The following TF variants were observed in gnomAD, a reference collection of about 807,000 sequenced individuals.
The protein encoded by TF is serotransferrin.
TF carries 55 observed loss-of-function variants against 82.4 expected under a neutral mutation model. The ratio of observed to expected loss-of-function variants is 0.67; its 90% CI spans 0.54 to 0.84. The LOEUF (loss-of-function observed/expected upper bound fraction) is 0.84, where lower values mean the gene tolerates loss of function less well. TF is among the 40% of genes least tolerant of loss of function. The pLI is 0.00. For synonymous variants in TF, 332 were observed against 332.6 expected, an observed-to-expected ratio of 1.00 and a Z score of 0.02; for missense variants, 737 against 868.4, an observed-to-expected ratio of 0.85 and a Z score of 1.90.
chr3:133,677,473 C>T, the TF span, among the ~76,000 whole-genome samples: 2 of 152,092 alleles, frequency 1.3e-5, no homozygotes, highest in Non-Finnish European at 2.9e-5. Flanking sequence ...CGTGTCTCTA[C>T]TAAAAATACA....
chr3:133,667,530 G>C, the TF span, among the ~76,000 whole-genome samples: 1 of 152,076 alleles, frequency 6.6e-6, no homozygotes. Context: ...TGTCACCCAA[G>C]CTAGGTAGGC....
At position 133,777,211 on chromosome 3, in the gene TF, G is replaced by A. The variant is rs1934418022; in HGVS notation, c.2035G>A (p.Gly679Ser). ...YLGEEYVKAV[G>S]NLRKCSTSSL... ...AGGAGAAGAATATGTCAAGGCTGTT[G>A]GTAACCTGAGAAAATGCTCCACCTC... is the stretch of plus-strand genomic sequence containing the variant. Residue 679 changes from glycine to serine, a missense_variant, in exon 16 of 17, where the codon GGT becomes AGT. Gly to Ser is a moderately conservative substitution (Grantham distance 56). Coordinates refer to ENST00000402696, the MANE Select transcript of TF (RefSeq NM_001063.4). 1 of 1,613,306 alleles carries A rather than the reference G, an allele frequency of 6.2e-7. No homozygotes were observed. The highest frequency in any genetic ancestry group is 1.3e-5 in the African/African-American group (1 of 74,906).
At chr3:133,725,543 A>G in the TF span, among the ~76,000 whole-genome samples, 541 of 152,298 alleles carry the variant, frequency 3.6e-3, 2 homozygotes, top group African/African-American at 0.012. Flanking sequence ...TTATCAGCTT[A>G]AGGAGATTTT....
the TF span, among the ~76,000 whole-genome samples, chr3:133,703,197 T>C: frequency 2.0e-5 from 3 of 152,212 alleles, no homozygotes; most frequent in African/African-American, 7.2e-5. Flanking sequence ...TCTTTAATAT[T>C]AATGGTAACT....
chr3:133,784,227 GAA>G lies in TF; in HGVS notation c.*5610_*5611del, dbSNP rs1468256943. On this transcript the variant is annotated 3_prime_UTR_variant, in exon 17 of 17. Coordinates refer to ENST00000402696, the MANE Select transcript of TF (RefSeq NM_001063.4). ...TTCCTTCTACCAGACGCTGGTGCTG[GAA>G]AAGAGAAGTGTAAGAATAACTTGCG... 6.6e-6 allele frequency: 1 copy of G among 152,262 alleles called. No homozygotes were observed. Among genetic ancestry groups the G allele is most frequent in the African/African-American group, 2.4e-5 (1 of 41,440 alleles). 9.4% of individuals were successfully genotyped at this position (152,262 alleles called of 1,614,324 possible).
the TF span, among the ~76,000 whole-genome samples, chr3:133,683,112 A>C: frequency 6.6e-6 from 1 of 152,236 alleles, no homozygotes; most frequent in Non-Finnish European, 1.5e-5. Flanking sequence ...TAAGGTTCCT[A>C]AGTGAAGGAG....
At position 133,757,798 on chromosome 3, in the gene TF, A is replaced by C; in HGVS notation, c.900A>C (p.Glu300Asp). The C allele has an allele frequency of 6.2e-7, 1 of 1,614,244 alleles. No homozygotes were observed. Among genetic ancestry groups the C allele is most frequent in the Non-Finnish European group, 8.5e-7 (1 of 1,180,032 alleles). Residue 300 changes from glutamate to aspartate, a missense_variant, in exon 8 of 17, where the codon GAA (glutamate) becomes GAC (aspartate). Physicochemically the swap from Glu to Asp is conservative, Grantham distance 45. Transcript: ENST00000402696. The part of the protein sequence containing the change: ...QEHFGKDKSK[E>D]FQLFSSPHGK... Reference sequence around the variant, plus strand: ...ATTTTGGCAAAGACAAATCAAAAGAATTCCAACTATTCAGCTCTCCTCATG... The same window carrying C: ...ATTTTGGCAAAGACAAATCAAAAGACTTCCAACTATTCAGCTCTCCTCATG...
rs7627021 is a variant in TF, at chr3:133,795,619, G to A, written c.*16999G>A. 0.76 allele frequency: 108,761 copies of A among 143,788 alleles called. 41,545 individuals carry two copies. The highest frequency in any genetic ancestry group is 0.88 in the African/African-American group (33,798 of 38,454). 8.9% of individuals were successfully genotyped at this position (143,788 alleles called of 1,614,324 possible). A position where few individuals can be genotyped will look rare whatever the true frequency, so the allele number is the denominator to read the frequency against. On this transcript the variant is annotated 3_prime_UTR_variant, in exon 17 of 17. Coordinates refer to ENST00000402696, the MANE Select transcript of TF (RefSeq NM_001063.4). ...GAGATGGAGTCTCACTCTGTCACCC[G>A]GGCTGGAGTGCAGTGGCACGATCTC...
the TF span, among the ~76,000 whole-genome samples, chr3:133,702,921 A>T: frequency 6.6e-6 from 1 of 151,508 alleles, no homozygotes; most frequent in African/African-American, 2.4e-5. Flanking sequence ...ATCTCAGTAC[A>T]TATAACATTG....
chr3:133,753,776 C>A, intron 3 of TF, 73 bp downstream of exon 3: 1 of 1,275,062 alleles, frequency 7.8e-7, no homozygotes, highest in Non-Finnish European at 1.1e-6. Context: ...GTTTTACAGG[C>A]AGGTTTTGGA....
intron 14 of TF, chr3:133,774,313 T>C (rs1478447344): frequency 6.6e-6 from 1 of 152,216 alleles, no homozygotes; most frequent in Non-Finnish European, 1.5e-5. Flanking sequence ...TTAACGCTAC[T>C]TTAGTGGCAA....
the TF span, among the ~76,000 whole-genome samples, chr3:133,722,479 T>C: frequency 6.6e-6 from 1 of 152,042 alleles, no homozygotes; most frequent in Non-Finnish European, 1.5e-5. Context: ...GTTTGGTAGA[T>C]TCTTTGTTTC....
chr3:133,733,243 C>T, the TF span, among the ~76,000 whole-genome samples: 1 of 151,088 alleles, frequency 6.6e-6, no homozygotes, highest in Non-Finnish European at 1.5e-5. Context: ...CACTCCCGAG[C>T]ATCTACTATC....
In TF at chr3:133,778,694, T is replaced by C. The variant is rs1295506499; in HGVS notation, c.*74T>C. 1 of 1,540,710 alleles carries C rather than the reference T, an allele frequency of 6.5e-7. No homozygotes were observed. ...ATCCATGAGTTTGCCCTGGTTTCACTGGCCCAAGTGGTTTGTGCTAACCAC... is the reference window on the plus strand; with the variant it reads ...ATCCATGAGTTTGCCCTGGTTTCACCGGCCCAAGTGGTTTGTGCTAACCAC... On this transcript the variant is annotated 3_prime_UTR_variant, in exon 17 of 17. Coordinates refer to ENST00000402696, the MANE Select transcript of TF (RefSeq NM_001063.4).
At chr3:133,716,966 G>A in the TF span, among the ~76,000 whole-genome samples, 1 of 152,142 alleles carries the variant, frequency 6.6e-6, no homozygotes, top group Non-Finnish European at 1.5e-5. Flanking sequence ...ATCATGGCTA[G>A]TTTCCTCATT....
At chr3:133,765,306 T>C (rs1186066677) in intron 11 of TF, among the ~76,000 whole-genome samples, 1 of 152,188 alleles carries the variant, frequency 6.6e-6, no homozygotes, top group Non-Finnish European at 1.5e-5. Flanking sequence ...CTTTGCTTAT[T>C]TATTCCTTAC....
At chr3:133,695,309 A>G in the TF span, among the ~76,000 whole-genome samples, 2 of 138,860 alleles carry the variant, frequency 1.4e-5, no homozygotes, top group African/African-American at 5.5e-5. Context: ...GTGCAGTGGC[A>G]TGATCTCGGC....
At chr3:133,677,454 T>C in the TF span, among the ~76,000 whole-genome samples, 1 of 152,160 alleles carries the variant, frequency 6.6e-6, no homozygotes, top group Non-Finnish European at 1.5e-5. Flanking sequence ...CTGGCCAAGA[T>C]GGTGAAACCG....
chr3:133,716,094 T>C, the TF span, among the ~76,000 whole-genome samples: 3 of 152,196 alleles, frequency 2.0e-5, no homozygotes, highest in African/African-American at 7.2e-5. Flanking sequence ...TCAGTCTCTT[T>C]TGCTGGTTCT....
Sources: allele counts gnomAD v4.1 joint callset (sites outside exome capture counted in the v4.1 genomes callset), GRCh38; gene constraint gnomAD v4.1.1; transcripts MANE v1.5; gene names NCBI Gene and HGNC (gene_info 2026-07-23, HGNC 2026-07-21).